Variants in DTWD2 observed in about 807,000 individuals in gnomAD.
DTWD2 encodes tRNA-uridine aminocarboxypropyltransferase 2.
In DTWD2, 39 loss-of-function variants were observed where a neutral mutation model predicts 31.8. The ratio of observed to expected loss-of-function variants is 1.22; its 90% CI spans 0.95 to 1.60. The LOEUF is 1.60. Ranked by LOEUF, DTWD2 falls within the 40% of genes most tolerant of loss-of-function variation. DTWD2 has a pLI of 0.00. For missense variants in DTWD2, 515 were observed against 381.5 expected, an observed-to-expected ratio of 1.35 and a Z score of -2.92; for synonymous variants, 180 against 142.8, an observed-to-expected ratio of 1.26 and a Z score of -1.86.
At chr5:118,846,958 ACACACAC>A (rs1751872026) in intron 5 of DTWD2, among the ~76,000 whole-genome samples, 1 of 141,832 alleles carries the variant, frequency 7.1e-6, no homozygotes. Context: ...ACACACACAC[ACACACAC>A]ATACACACGA....
chr5:118,966,370 T>C (rs1384574463), intron 1 of DTWD2, among the ~76,000 whole-genome samples: 2 of 152,264 alleles, frequency 1.3e-5, no homozygotes, highest in Non-Finnish European at 2.9e-5. Context: ...GTTTCATTTA[T>C]TTCTGTAAAG....
chr5:118,942,860 T>C (rs1308803620), intron 2 of DTWD2, among the ~76,000 whole-genome samples: 2 of 151,940 alleles, frequency 1.3e-5, no homozygotes, highest in Non-Finnish European at 2.9e-5. Flanking sequence ...TAGAGTGCAA[T>C]GTCACAATCA....
At chr5:118,890,562 CTTTTTTTTTTT>C (rs973397760) in intron 4 of DTWD2, among the ~76,000 whole-genome samples, 1 of 71,260 alleles carries the variant, frequency 1.4e-5, no homozygotes, top group South Asian at 6.0e-4. Flanking sequence ...TTAGGTTTTC[CTTTTTTTTTTT>C]TTTTTTTTTT....
At chr5:118,960,675 C>T (rs1754684912) in intron 1 of DTWD2, among the ~76,000 whole-genome samples, 2 of 152,046 alleles carry the variant, frequency 1.3e-5, no homozygotes, top group Non-Finnish European at 2.9e-5. Context: ...ATGTAATTAA[C>T]CTAAATGAGC....
chr5:118,890,497 A>G (rs947304437), intron 4 of DTWD2, among the ~76,000 whole-genome samples: 2 of 151,932 alleles, frequency 1.3e-5, no homozygotes, highest in South Asian at 4.2e-4. Flanking sequence ...CTCTAATTAC[A>G]TAAATTTCTC....
At chr5:118,855,136 C>T (rs1391445966) in intron 4 of DTWD2, among the ~76,000 whole-genome samples, 2 of 149,788 alleles carry the variant, frequency 1.3e-5, no homozygotes, top group East Asian at 2.0e-4. Flanking sequence ...CACTGCACTC[C>T]AGCCTGGATG....
intron 1 of DTWD2, 30 bp downstream of exon 1, chr5:118,988,264 T>C (rs1402152856): frequency 5.2e-6 from 8 of 1,529,932 alleles, no homozygotes; most frequent in Non-Finnish European, 4.4e-6. Context: ...CGCTGCCGGC[T>C]GCAGTCCCCG....
chr5:118,896,953 T>C (rs180900005), intron 4 of DTWD2, among the ~76,000 whole-genome samples: 30 of 152,310 alleles, frequency 2.0e-4, no homozygotes, highest in African/African-American at 7.0e-4. Flanking sequence ...AAGTAACCTC[T>C]ATGGACATCA....
intron 1 of DTWD2, among the ~76,000 whole-genome samples, chr5:118,952,658 G>T (rs980889912): frequency 2.6e-5 from 4 of 152,186 alleles, no homozygotes; most frequent in African/African-American, 9.7e-5. Context: ...GAACCTTTAA[G>T]AACATTTAGA....
intron 1 of DTWD2, chr5:118,974,012 G>T (rs1024036745): frequency 3.1e-6 from 5 of 1,602,260 alleles, no homozygotes; most frequent in South Asian, 1.1e-5. Context: ...TGGTGAGGAA[G>T]AGGATGGAGA....
At chr5:118,870,892 C>T (rs931286868) in intron 4 of DTWD2, among the ~76,000 whole-genome samples, 2 of 150,756 alleles carry the variant, frequency 1.3e-5, no homozygotes, top group Non-Finnish European at 3.0e-5. Context: ...CTCTCAACCC[C>T]TACTGCTGCT....
intron 4 of DTWD2, among the ~76,000 whole-genome samples, chr5:118,922,454 C>CA (rs1753724371): frequency 1.3e-5 from 2 of 151,416 alleles, no homozygotes; most frequent in Admixed American, 1.3e-4. Context: ...TAATTCTATG[C>CA]AAAAAACAGG....
intron 4 of DTWD2, among the ~76,000 whole-genome samples, chr5:118,873,687 G>A (rs1039761675): frequency 1.9e-4 from 29 of 152,132 alleles, no homozygotes; most frequent in African/African-American, 5.8e-4. Context: ...AGCATGGCCC[G>A]CTTTCACCAG....
intron 1 of DTWD2, among the ~76,000 whole-genome samples, chr5:118,948,580 G>T (rs528206165): frequency 1.3e-5 from 2 of 152,136 alleles, no homozygotes; most frequent in South Asian, 4.1e-4. Context: ...AGAGAGACAC[G>T]GTCATGGGGG....
intron 4 of DTWD2, among the ~76,000 whole-genome samples, chr5:118,861,673 G>A (rs1379227082): frequency 1.3e-5 from 2 of 152,114 alleles, no homozygotes; most frequent in African/African-American, 2.4e-5. Context: ...CTGGTACCTA[G>A]AAAAGAGACT....
At chr5:118,915,808 G>GT in intron 4 of DTWD2, among the ~76,000 whole-genome samples, 1 of 152,242 alleles carries the variant, frequency 6.6e-6, no homozygotes, top group South Asian at 2.1e-4. Flanking sequence ...GGTTTTCTAG[G>GT]TATTTCAGGA....
At chr5:118,854,514 GA>G (rs144467780) in intron 4 of DTWD2, among the ~76,000 whole-genome samples, 3,332 of 147,498 alleles carry the variant, frequency 0.023, 134 homozygotes, top group African/African-American at 0.077. Context: ...CACTCATTTA[GA>G]AAAAAAAAAT....
chr5:118,855,178 A>AG (rs1491229890), intron 4 of DTWD2, among the ~76,000 whole-genome samples: 1 of 149,496 alleles, frequency 6.7e-6, no homozygotes, highest in African/African-American at 2.5e-5. Context: ...AAAAAAAAAA[A>AG]TAATCATCAT....
chr5:118,847,752 A>G (rs1396453022), intron 5 of DTWD2, among the ~76,000 whole-genome samples: 4 of 152,164 alleles, frequency 2.6e-5, no homozygotes, highest in African/African-American at 9.6e-5. Flanking sequence ...AAGGCTGAGC[A>G]CAAGAGAACA....
Sources: gnomAD v4.1 joint callset for allele counts (sites outside exome capture counted in the v4.1 genomes callset) on GRCh38, gnomAD v4.1.1 for gene constraint, MANE v1.5 for transcripts, NCBI Gene and HGNC (gene_info 2026-07-23, HGNC 2026-07-21) for gene names.